DPYS: variants seen among roughly 807,000 people sequenced by gnomAD.
DPYS encodes the protein dihydropyrimidine amidohydrolase.
Under a neutral mutation model 50.3 loss-of-function variants are expected in DPYS, and 39 were observed. The ratio of observed to expected loss-of-function variants is 0.78; its 90% CI spans 0.60 to 1.01. DPYS has a LOEUF of 1.01. Ranked by LOEUF, DPYS falls within the 50% of genes least tolerant of loss-of-function variation. DPYS has a pLI of 0.00. For missense variants in DPYS, 659 were observed against 680.9 expected (o/e 0.97, Z 0.36); for synonymous variants, 245 against 250.7 (o/e 0.98, Z 0.22).
At chr8:104,410,169 A>G (rs942267294) in intron 7 of DPYS, among the ~76,000 whole-genome samples, 2 of 151,732 alleles carry the variant, frequency 1.3e-5, no homozygotes, top group African/African-American at 4.8e-5. Flanking sequence ...TCCATTTCCA[A>G]TTTTTCACCA....
At chr8:104,432,987 T>C (rs892986484) in intron 4 of DPYS, among the ~76,000 whole-genome samples, 1 of 152,176 alleles carries the variant, frequency 6.6e-6, no homozygotes, top group Non-Finnish European at 1.5e-5. Flanking sequence ...GTGAGGTCAT[T>C]AGGGTGGGCC....
At chr8:104,393,338 A>G (rs995096525) in intron 7 of DPYS, among the ~76,000 whole-genome samples, 2 of 152,198 alleles carry the variant, frequency 1.3e-5, no homozygotes, top group Non-Finnish European at 2.9e-5. Context: ...ATATTTTTAA[A>G]CGCAGATGAC....
chr8:104,427,619 G>A (rs983735520), intron 6 of DPYS, among the ~76,000 whole-genome samples: 9 of 151,906 alleles, frequency 5.9e-5, no homozygotes, highest in African/African-American at 1.9e-4. Flanking sequence ...TCGTGCCAAT[G>A]ACACATGACG....
chr8:104,421,589 A>C (rs919345585), intron 7 of DPYS: 2 of 152,042 alleles, frequency 1.3e-5, no homozygotes, highest in Non-Finnish European at 2.9e-5. Flanking sequence ...AGCCGAGATC[A>C]CACCACTGCA....
chr8:104,462,087 G>T lies in DPYS; in HGVS notation c.264+4570C>A, dbSNP rs554728264. Among the ~76,000 whole-genome samples, 7 of 152,242 alleles carry T rather than the reference G, an allele frequency of 4.6e-5. No homozygotes were observed. The South Asian group carries it at 1.5e-3, about 32-fold the overall frequency. ...TTCATTTAACTAATGCATATTGAGT[G>T]ACTATAATGTGCCAGCATTTTTTTA... On this transcript the variant is annotated intron_variant, in intron 1 of 9. Coordinates refer to ENST00000351513, the MANE Select transcript of DPYS (RefSeq NM_001385.3).
rs1811023236 is a variant in DPYS, at chr8:104,381,247, A to G, written c.1511T>C (p.Val504Ala). The change falls in exon 9 of 10, where the codon GTG becomes GCG. Residue 504 changes from valine to alanine, a missense_variant. Coordinates refer to ENST00000351513, the MANE Select transcript of DPYS (RefSeq NM_001385.3). ...CCCTGCTGTGGCATCTTCTTTTGTC[A>G]CTCTGGATTTCAGTGTGGCGACTTC... ...KGEVATLKSR[V>A]TKEDATAGTR... 13 of 1,613,848 alleles carry G rather than the reference A, an allele frequency of 8.1e-6. No homozygotes were observed. The highest frequency in any genetic ancestry group is 1.1e-5 in the Non-Finnish European group (13 of 1,179,960).
At chr8:104,435,013 A>G (rs1043908423) in intron 4 of DPYS, among the ~76,000 whole-genome samples, 2 of 152,214 alleles carry the variant, frequency 1.3e-5, no homozygotes, top group Admixed American at 1.3e-4. Flanking sequence ...AATTGTCACC[A>G]TTCTAAACAA....
At chr8:104,454,302 C>T (rs1305197370) in intron 1 of DPYS, among the ~76,000 whole-genome samples, 2 of 152,190 alleles carry the variant, frequency 1.3e-5, no homozygotes, top group South Asian at 2.1e-4. Context: ...AGGAGAATTG[C>T]TTGAACCCAT....
intron 8 of DPYS, among the ~76,000 whole-genome samples, chr8:104,387,355 A>T (rs541798604): frequency 2.0e-4 from 31 of 152,132 alleles, no homozygotes; most frequent in South Asian, 1.7e-3. Flanking sequence ...AAATAAATAA[A>T]CAAACAAACA....
intron 1 of DPYS, 55 bp downstream of exon 1, chr8:104,466,602 A>G: frequency 6.8e-7 from 1 of 1,468,852 alleles, no homozygotes; most frequent in Non-Finnish European, 9.0e-7. Flanking sequence ...ACGACTGGGG[A>G]GGCTGCCCGA....
At chr8:104,449,629 G>A (rs1045843385) in intron 2 of DPYS, among the ~76,000 whole-genome samples, 2 of 152,212 alleles carry the variant, frequency 1.3e-5, no homozygotes, top group South Asian at 2.1e-4. Context: ...GAGCATGTGC[G>A]CTTTATCCAA....
intron 7 of DPYS, among the ~76,000 whole-genome samples, chr8:104,414,292 T>C (rs931544744): frequency 6.6e-6 from 1 of 152,162 alleles, no homozygotes; most frequent in African/African-American, 2.4e-5. Context: ...GTTATCTAAT[T>C]TTATGACTCT....
At chr8:104,390,535 T>C (rs1564079636) in intron 8 of DPYS, among the ~76,000 whole-genome samples, 1 of 151,422 alleles carries the variant, frequency 6.6e-6, no homozygotes, top group African/African-American at 2.4e-5. Context: ...TCTCACTCTG[T>C]CGCCCAGGCT....
chr8:104,404,236 G>T (rs190880967), intron 7 of DPYS, among the ~76,000 whole-genome samples: 30 of 152,218 alleles, frequency 2.0e-4, no homozygotes, highest in Non-Finnish European at 2.9e-4. Context: ...CTTGAACTCA[G>T]ATCTATGTAG....
intron 8 of DPYS, among the ~76,000 whole-genome samples, chr8:104,388,005 G>A (rs1373229878): frequency 6.6e-6 from 1 of 152,158 alleles, no homozygotes; most frequent in Non-Finnish European, 1.5e-5. Flanking sequence ...TCTCTTGTGA[G>A]CCAAAATGAG....
At chr8:104,400,454 AC>A (rs1156469709) in intron 7 of DPYS, among the ~76,000 whole-genome samples, 2 of 152,218 alleles carry the variant, frequency 1.3e-5, no homozygotes, top group Non-Finnish European at 2.9e-5. Context: ...TTTCAAATTT[AC>A]CAAACGCAAA....
intron 1 of DPYS, among the ~76,000 whole-genome samples, chr8:104,456,234 AT>A (rs1813920505): frequency 6.6e-6 from 1 of 152,160 alleles, no homozygotes; most frequent in African/African-American, 2.4e-5. Flanking sequence ...ACAACCACAA[AT>A]TTGCCTAATG....
intron 4 of DPYS, among the ~76,000 whole-genome samples, chr8:104,430,228 G>A (rs375271067): frequency 6.6e-4 from 101 of 152,012 alleles, no homozygotes; most frequent in African/African-American, 2.2e-3. Context: ...TATCTCTGCT[G>A]CAAATCAATT....
chr8:104,430,202 G>A (rs1812905373), intron 4 of DPYS, among the ~76,000 whole-genome samples: 2 of 151,902 alleles, frequency 1.3e-5, no homozygotes, highest in South Asian at 2.1e-4. Context: ...AGGTCATATG[G>A]AATTCAACCA....
Sources: gnomAD v4.1 joint callset for allele counts (sites outside exome capture counted in the v4.1 genomes callset) on GRCh38, gnomAD v4.1.1 for gene constraint, MANE v1.5 for transcripts, NCBI Gene and HGNC (gene_info 2026-07-23, HGNC 2026-07-21) for gene names.